SCD5: variants seen among roughly 807,000 people sequenced by gnomAD.
The protein encoded by SCD5 is stearoyl-CoA desaturase 5.
Under a neutral mutation model 30.4 loss-of-function variants are expected in SCD5, and 20 were observed. The ratio of observed to expected loss-of-function variants is 0.66; its 90% CI spans 0.46 to 0.96. The LOEUF is 0.96. Ranked by LOEUF, SCD5 falls within the 40% of genes least tolerant of loss-of-function variation. The pLI is 0.00. For synonymous variants in SCD5, 173 were observed against 176.4 expected, an observed-to-expected ratio of 0.98 and a Z score of 0.16; for missense variants, 381 against 443.3, an observed-to-expected ratio of 0.86 and a Z score of 1.26.
At chr4:82,753,147 T>C (rs1304502896) in intron 1 of SCD5, among the ~76,000 whole-genome samples, 1 of 152,154 alleles carries the variant, frequency 6.6e-6, no homozygotes, top group Non-Finnish European at 1.5e-5. Flanking sequence ...CCTATGTGAT[T>C]CCTGTGCACA....
At chr4:82,685,297 T>G (rs1204237810) in intron 2 of SCD5, among the ~76,000 whole-genome samples, 5 of 152,112 alleles carry the variant, frequency 3.3e-5, no homozygotes, top group Non-Finnish European at 5.9e-5. Flanking sequence ...ACTATAGTCC[T>G]ACTTTGCAAT....
chr4:82,638,981 G>A (rs865974479), intron 3 of SCD5, among the ~76,000 whole-genome samples: 17 of 152,162 alleles, frequency 1.1e-4, no homozygotes, highest in Non-Finnish European at 1.0e-4. Flanking sequence ...GCCCAAAGTC[G>A]CAAGACTCAT....
At chr4:82,679,956 T>A (rs1441026335) in intron 3 of SCD5, among the ~76,000 whole-genome samples, 1 of 152,178 alleles carries the variant, frequency 6.6e-6, no homozygotes, top group African/African-American at 2.4e-5. Context: ...TGGAGCATGG[T>A]CCATATGTTG....
chr4:82,792,951 G>C (rs1722130200), intron 1 of SCD5, among the ~76,000 whole-genome samples: 1 of 152,148 alleles, frequency 6.6e-6, no homozygotes, highest in East Asian at 1.9e-4. Flanking sequence ...TTTTAAAATT[G>C]AGTTAATAAT....
At chr4:82,714,876 G>C (rs1008041899) in intron 1 of SCD5, among the ~76,000 whole-genome samples, 1 of 149,202 alleles carries the variant, frequency 6.7e-6, no homozygotes, top group East Asian at 1.9e-4. Context: ...GTTTGGATAA[G>C]GGATACTCAA....
chr4:82,717,513 CAGTA>C (rs1235404825), intron 1 of SCD5, among the ~76,000 whole-genome samples: 2 of 151,766 alleles, frequency 1.3e-5, no homozygotes, highest in East Asian at 3.8e-4. Context: ...TTATCTTGGG[CAGTA>C]AGTTTGTGTG....
intron 3 of SCD5, among the ~76,000 whole-genome samples, chr4:82,639,738 T>C (rs1352780529): frequency 6.6e-6 from 1 of 152,184 alleles, no homozygotes; most frequent in Non-Finnish European, 1.5e-5. Context: ...TGCTACTTCT[T>C]GTCCGCACCT....
rs762852376 is a variant in SCD5 at position 82,636,585 on chromosome 4, A to G, written c.802+6T>C. 2.6e-5 allele frequency: 42 copies of G among 1,610,928 alleles called. No homozygotes were observed. Among genetic ancestry groups the G allele is most frequent in the Non-Finnish European group, 3.4e-5 (40 of 1,178,382 alleles). On this transcript the variant is annotated splice_donor_region_variant and intron_variant, in intron 4 of 4. Coordinates refer to ENST00000319540, the MANE Select transcript of SCD5 (RefSeq NM_001037582.3). ...CTCCCCATTGGCCCTCAACACCCCT[A>G]CTCACCAATGGCACCCAGAGCGACG...
intron 1 of SCD5, among the ~76,000 whole-genome samples, chr4:82,745,335 C>T (rs1720957911): frequency 6.6e-6 from 1 of 152,188 alleles, no homozygotes; most frequent in Non-Finnish European, 1.5e-5. Flanking sequence ...GTAACCAATA[C>T]ATTATTTCCC....
chr4:82,632,943 T>C (rs75857782), intron 4 of SCD5, among the ~76,000 whole-genome samples: 5,411 of 152,292 alleles, frequency 0.036, 332 homozygotes, highest in African/African-American at 0.12. Flanking sequence ...ATAGTTAAAT[T>C]GAGCTAAGTG....
chr4:82,735,654 C>T (rs1720734562), intron 1 of SCD5, among the ~76,000 whole-genome samples: 1 of 152,170 alleles, frequency 6.6e-6, no homozygotes, highest in African/African-American at 2.4e-5. Flanking sequence ...CTTGACTTAC[C>T]CACCACATGA....
chr4:82,784,185 C>T (rs780468215), intron 1 of SCD5, among the ~76,000 whole-genome samples: 7 of 152,134 alleles, frequency 4.6e-5, no homozygotes, highest in African/African-American at 7.2e-5. Flanking sequence ...AAAAAAAATC[C>T]CCAGGTGCAT....
intron 3 of SCD5, among the ~76,000 whole-genome samples, chr4:82,661,936 T>C (rs1386936865): frequency 1.3e-5 from 2 of 152,238 alleles, no homozygotes; most frequent in Non-Finnish European, 2.9e-5. Flanking sequence ...GGCAGGGTTC[T>C]GGACAGGGAC....
chr4:82,691,701 T>C (rs9654218), intron 2 of SCD5: 120,823 of 151,194 alleles, frequency 0.8, 48,473 homozygotes, highest in Middle Eastern at 0.87. Flanking sequence ...GAGAGGTGGG[T>C]GTCAGCTGCC....
At chr4:82,632,738 G>A (rs1727321609) in intron 4 of SCD5, among the ~76,000 whole-genome samples, 1 of 150,412 alleles carries the variant, frequency 6.6e-6, no homozygotes, top group Non-Finnish European at 1.5e-5. Flanking sequence ...TCTAACTGGT[G>A]TGAGATGGTA....
At chr4:82,791,098 C>T (rs1182407409) in intron 1 of SCD5, among the ~76,000 whole-genome samples, 2 of 152,032 alleles carry the variant, frequency 1.3e-5, no homozygotes, top group Admixed American at 6.6e-5. Flanking sequence ...ATTAGCCGGG[C>T]GTGGTGGCAT....
At chr4:82,693,828 C>G (rs957205923) in intron 2 of SCD5, among the ~76,000 whole-genome samples, 2 of 152,186 alleles carry the variant, frequency 1.3e-5, no homozygotes, top group Non-Finnish European at 2.9e-5. Context: ...TGTATAGACA[C>G]AGCCCTGCCA....
chr4:82,726,752 C>T (rs1292748507), intron 1 of SCD5, among the ~76,000 whole-genome samples: 1 of 152,170 alleles, frequency 6.6e-6, no homozygotes. Context: ...TCTACACCCC[C>T]TGTGAGGCCA....
At chr4:82,746,882 C>T (rs1720995546) in intron 1 of SCD5, among the ~76,000 whole-genome samples, 3 of 152,202 alleles carry the variant, frequency 2.0e-5, no homozygotes, top group Middle Eastern at 3.4e-3. Flanking sequence ...TTTCCAAGAC[C>T]CCTCTGGCCT....
Sources: gnomAD v4.1 joint callset for allele counts (sites outside exome capture counted in the v4.1 genomes callset) on GRCh38, gnomAD v4.1.1 for gene constraint, MANE v1.5 for transcripts, NCBI Gene and HGNC (gene_info 2026-07-23, HGNC 2026-07-21) for gene names.